Variants in CRHR1 observed in about 807,000 individuals in gnomAD.
The protein encoded by CRHR1 is corticotropin releasing hormone receptor 1, also known as corticotropin-releasing hormone receptor 1.
CRHR1 carries 28 observed loss-of-function variants against 56.0 expected under a neutral mutation model. That is an observed-to-expected ratio of 0.50 (90% CI 0.37 to 0.69). CRHR1 has a LOEUF of 0.69. Ranked by LOEUF, CRHR1 falls within the 30% of genes least tolerant of loss-of-function variation. The pLI, the probability that CRHR1 is intolerant of heterozygous loss-of-function variation, is 0.00. For missense variants in CRHR1, 376 were observed against 548.0 expected (o/e 0.69, Z 3.13); for synonymous variants, 195 against 216.5 (o/e 0.90, Z 0.87).
At chr17:45,820,088 GCTCCAGA>G (rs2062010341) in intron 3 of CRHR1, among the ~76,000 whole-genome samples, 1 of 152,084 alleles carries the variant, frequency 6.6e-6, no homozygotes, top group Non-Finnish European at 1.5e-5. Flanking sequence ...GCCCCATGGG[GCTCCAGA>G]CTCAAGGACT....
chr17:45,828,000 C>T (rs1463480971), intron 4 of CRHR1: 1 of 152,222 alleles, frequency 6.6e-6, no homozygotes, highest in Non-Finnish European at 1.5e-5. Context: ...ATCATTCAGC[C>T]CCACCCTAGA....
At chr17:45,827,031 C>T (rs17689824) in intron 4 of CRHR1, 21,808 of 152,240 alleles carry the variant, frequency 0.14, 2,134 homozygotes, top group Non-Finnish European at 0.22. Context: ...AAAGAGGGAG[C>T]TTAAAGCCAG....
intron 4 of CRHR1, among the ~76,000 whole-genome samples, chr17:45,825,071 C>T (rs1041582610): frequency 6.6e-6 from 1 of 152,234 alleles, no homozygotes; most frequent in African/African-American, 2.4e-5. Flanking sequence ...AGACCCCTCC[C>T]AGAACTGCAG....
At chr17:45,833,693 T>TGGGGGGGGGGGCCCCCCCCCCCCCC in intron 10 of CRHR1, 21 bp from the exon 11 acceptor site, 1 of 1,571,616 alleles carries the variant, frequency 6.4e-7, no homozygotes. Flanking sequence ...ACTCCGAGCC[T>TGGGGGGGGGGGCCCCCCCCCCCCCC]CCCCACCCGC....
chr17:45,813,312 C>T (rs2061860271), intron 2 of CRHR1, among the ~76,000 whole-genome samples: 2 of 152,134 alleles, frequency 1.3e-5, no homozygotes, highest in African/African-American at 2.4e-5. Flanking sequence ...CCCCCCAACC[C>T]CCCCACCCCA....
At chr17:45,791,152 G>A (rs2061418228) in intron 1 of CRHR1, among the ~76,000 whole-genome samples, 1 of 150,540 alleles carries the variant, frequency 6.6e-6, no homozygotes, top group African/African-American at 2.4e-5. Flanking sequence ...CTCAGCAGAG[G>A]CCAGAGGTAC....
intron 2 of CRHR1, among the ~76,000 whole-genome samples, chr17:45,810,724 C>T (rs1381921101): frequency 1.3e-5 from 2 of 152,198 alleles, no homozygotes; most frequent in African/African-American, 4.8e-5. Flanking sequence ...GAAGAGCCCA[C>T]AGACCCGCAG....
At chr17:45,787,758 G>A (rs1355140534) in intron 1 of CRHR1, among the ~76,000 whole-genome samples, 2 of 152,280 alleles carry the variant, frequency 1.3e-5, no homozygotes, top group African/African-American at 4.8e-5. Context: ...GCATATCTGG[G>A]CCATTTCCAA....
chr17:45,785,990 C>T (rs776313734), intron 1 of CRHR1, among the ~76,000 whole-genome samples: 1 of 152,090 alleles, frequency 6.6e-6, no homozygotes, highest in Non-Finnish European at 1.5e-5. Flanking sequence ...CCAGAGAGGT[C>T]GAGTAGTTGG....
intron 2 of CRHR1, among the ~76,000 whole-genome samples, chr17:45,809,034 G>T (rs191159368): frequency 3.2e-4 from 49 of 152,300 alleles, no homozygotes; most frequent in Admixed American, 5.9e-4. Context: ...AGCAGGGGTG[G>T]TGCAAATCCA....
chr17:45,829,603 G>T (rs1418071044), intron 5 of CRHR1: 14 of 1,550,920 alleles, frequency 9.0e-6, no homozygotes, highest in Non-Finnish European at 1.2e-5. Flanking sequence ...ATGGAGCCCT[G>T]GAGGTGGGGG....
At chr17:45,824,297 A>G (rs1032800706) in intron 4 of CRHR1, among the ~76,000 whole-genome samples, 15 of 152,194 alleles carry the variant, frequency 9.9e-5, no homozygotes, top group Admixed American at 9.2e-4. Context: ...ACCACACGCC[A>G]TTGCAGAGAG....
chr17:45,819,713 T>C (rs753251282), intron 3 of CRHR1, among the ~76,000 whole-genome samples: 22 of 152,128 alleles, frequency 1.4e-4, no homozygotes, highest in Non-Finnish European at 3.2e-4. Flanking sequence ...TGAGGCTCCC[T>C]GAGACTGCGG....
At chr17:45,806,073 AC>A (rs2061712539) in intron 1 of CRHR1, among the ~76,000 whole-genome samples, 1 of 152,234 alleles carries the variant, frequency 6.6e-6, no homozygotes, top group Non-Finnish European at 1.5e-5. Context: ...ACTGAGGCAC[AC>A]AGAGGTCAAG....
At chr17:45,803,779 TGCGC>T (rs1555650818) in intron 1 of CRHR1, among the ~76,000 whole-genome samples, 2 of 151,844 alleles carry the variant, frequency 1.3e-5, no homozygotes, top group African/African-American at 2.4e-5. Context: ...TGTGTGTGCG[TGCGC>T]GTGCGCGTGT....
intron 8 of CRHR1, among the ~76,000 whole-genome samples, chr17:45,832,028 C>G (rs1402528624): frequency 6.6e-6 from 1 of 152,022 alleles, no homozygotes; most frequent in Admixed American, 6.6e-5. Flanking sequence ...TGAGACCAGC[C>G]TGGCTAACAT....
At chr17:45,818,004 C>T (rs2061963371) in intron 3 of CRHR1, among the ~76,000 whole-genome samples, 1 of 152,214 alleles carries the variant, frequency 6.6e-6, no homozygotes, top group African/African-American at 2.4e-5. Flanking sequence ...GGGACGATAA[C>T]TCTCACGATG....
intron 8 of CRHR1, 28 bp downstream of exon 8, chr17:45,830,968 C>T: frequency 6.2e-7 from 1 of 1,611,830 alleles, no homozygotes; most frequent in Non-Finnish European, 8.5e-7. Flanking sequence ...CCTTCCTGAC[C>T]CCAAGGTTTA....
intron 1 of CRHR1, among the ~76,000 whole-genome samples, chr17:45,795,573 C>T (rs1200711350): frequency 6.6e-6 from 1 of 152,188 alleles, no homozygotes; most frequent in Non-Finnish European, 1.5e-5. Context: ...AAACGTCCCC[C>T]GGGAGGCAAA....
Sources: allele counts gnomAD v4.1 joint callset (sites outside exome capture counted in the v4.1 genomes callset), GRCh38; gene constraint gnomAD v4.1.1; transcripts MANE v1.5; gene names NCBI Gene and HGNC (gene_info 2026-07-23, HGNC 2026-07-21).